The following ARID1B variants were observed in gnomAD, a reference collection of about 807,000 sequenced individuals.
ARID1B encodes the protein AT-rich interaction domain 1B.
A neutral mutation model predicts 212.3 loss-of-function variants in ARID1B; 30 were observed. That is an observed-to-expected ratio of 0.14 (90% CI 0.11 to 0.19). The LOEUF (loss-of-function observed/expected upper bound fraction) is 0.19. ARID1B is among the 10% of genes least tolerant of loss of function. The pLI is 1.00. For synonymous variants in ARID1B, 1,402 were observed against 1,301.7 expected, an observed-to-expected ratio of 1.08 and a Z score of -1.66; for missense variants, 2,891 against 3,204.0, an observed-to-expected ratio of 0.90 and a Z score of 2.36.
At chr6:157,033,595 G>A (rs1781143114) in intron 4 of ARID1B, among the ~76,000 whole-genome samples, 1 of 152,154 alleles carries the variant, frequency 6.6e-6, no homozygotes, top group Non-Finnish European at 1.5e-5. Context: ...GGAATGATTG[G>A]AAATTAAGGT....
rs1789172851 is a variant in ARID1B at position 157,139,340 on chromosome 6, A to C, written c.2761+6133A>C. On this transcript the variant is annotated intron_variant, in intron 7 of 19. Coordinates refer to ENST00000636930, the MANE Select transcript of ARID1B (RefSeq NM_001374828.1). ...TGCAGCTTCACTTGCCCTCTTAGCA[A>C]GGTACCTTTTCCCGAGGTCCATCGC... 2.0e-5 allele frequency among the ~76,000 whole-genome samples: 3 copies of C among 152,158 alleles called. No individual in the cohort carries two copies. In the South Asian group the frequency reaches 6.2e-4, roughly 32 times the overall value.
chr6:157,154,766 A>G lies in ARID1B; in HGVS notation c.3089+5815A>G, dbSNP rs180709489. Among the ~76,000 whole-genome samples the G allele has an allele frequency of 5.4e-3, 822 of 151,616 alleles. 7 individuals carry two copies. Among genetic ancestry groups the G allele is most frequent in the African/African-American group, 0.019 (776 of 41,350 alleles). ...GCTAATTTTTGTATTTTTTTTTAGT[A>G]GAGACGGGCTTTCACCAATTTGGCC... On this transcript the variant is annotated intron_variant, in intron 8 of 19. Coordinates refer to ENST00000636930, the MANE Select transcript of ARID1B (RefSeq NM_001374828.1).
At chr6:156,790,528 G>A (rs980938170) in intron 1 of ARID1B, among the ~76,000 whole-genome samples, 2 of 152,058 alleles carry the variant, frequency 1.3e-5, no homozygotes, top group Non-Finnish European at 2.9e-5. Context: ...TTTCCAAATT[G>A]GTAAAATGGA....
chr6:156,860,816 CT>C (rs1020307138), intron 2 of ARID1B, among the ~76,000 whole-genome samples: 7 of 152,022 alleles, frequency 4.6e-5, no homozygotes, highest in African/African-American at 1.4e-4. Context: ...AACAGAAATT[CT>C]TTTTTTTCCC....
At chr6:157,048,241 A>G (rs1782366995) in intron 4 of ARID1B, among the ~76,000 whole-genome samples, 1 of 152,246 alleles carries the variant, frequency 6.6e-6, no homozygotes. Flanking sequence ...TGTGAATTAA[A>G]GAATATATCA....
At chr6:156,918,313 A>T (rs895641064) in intron 3 of ARID1B, among the ~76,000 whole-genome samples, 1 of 152,198 alleles carries the variant, frequency 6.6e-6, no homozygotes, top group Admixed American at 6.5e-5. Flanking sequence ...AATTTAATTT[A>T]TAAGCCAATC....
chr6:156,912,907 C>G (rs1262225798), intron 3 of ARID1B, among the ~76,000 whole-genome samples: 1 of 152,158 alleles, frequency 6.6e-6, no homozygotes, highest in Non-Finnish European at 1.5e-5. Context: ...TTGACCGAAA[C>G]CACAAGCCTG....
chr6:157,050,331 G>A (rs1296456078), intron 4 of ARID1B, among the ~76,000 whole-genome samples: 1 of 152,188 alleles, frequency 6.6e-6, no homozygotes, highest in Non-Finnish European at 1.5e-5. Flanking sequence ...GGGTCATGAG[G>A]TCAGGAGTTT....
At chr6:156,821,342 C>T (rs1782338827) in intron 1 of ARID1B, among the ~76,000 whole-genome samples, 1 of 152,058 alleles carries the variant, frequency 6.6e-6, no homozygotes, top group Non-Finnish European at 1.5e-5. Context: ...AGAACTGCTC[C>T]CCCACTCCCC....
intron 4 of ARID1B, among the ~76,000 whole-genome samples, chr6:157,044,658 T>C (rs1385071689): frequency 6.6e-6 from 1 of 152,250 alleles, no homozygotes; most frequent in East Asian, 1.9e-4. Flanking sequence ...CTGTATCTTT[T>C]GTTACATTTT....
intron 4 of ARID1B, among the ~76,000 whole-genome samples, chr6:157,039,322 C>CTTTTCTTTTTT (rs1781548213): frequency 9.7e-6 from 1 of 102,976 alleles, no homozygotes. Flanking sequence ...TTTGACATTT[C>CTTTTCTTTTTT]TTTTTTTTTT....
At chr6:157,127,796 A>AAC (rs1449122522) in intron 6 of ARID1B, among the ~76,000 whole-genome samples, 27 of 150,024 alleles carry the variant, frequency 1.8e-4, no homozygotes, top group African/African-American at 6.4e-4. Flanking sequence ...AAAAAAAAAA[A>AAC]AAAAAAAAAA....
intron 1 of ARID1B, among the ~76,000 whole-genome samples, chr6:156,808,085 C>T (rs1781304309): frequency 6.6e-6 from 1 of 152,036 alleles, no homozygotes; most frequent in Non-Finnish European, 1.5e-5. Context: ...AGGCTTTAAC[C>T]CTATTGTATC....
chr6:156,843,211 T>C (rs1190211619), intron 2 of ARID1B, among the ~76,000 whole-genome samples: 2 of 152,248 alleles, frequency 1.3e-5, no homozygotes, highest in Admixed American at 1.3e-4. Context: ...TATTGTATTG[T>C]CTTCATGGTA....
chr6:156,804,133 C>T (rs1451071156), intron 1 of ARID1B, among the ~76,000 whole-genome samples: 2 of 151,828 alleles, frequency 1.3e-5, no homozygotes, highest in African/African-American at 4.8e-5. Context: ...GTCAGGAGTT[C>T]GAGACTAGCC....
At chr6:157,196,428 C>G (rs572360153) in intron 16 of ARID1B, 113 bp downstream of exon 16, 2 of 1,344,854 alleles carry the variant, frequency 1.5e-6, no homozygotes, top group Non-Finnish European at 2.0e-6. Context: ...ACAGTGTCCC[C>G]TTTCCTGTGA....
chr6:156,979,009 T>A (rs1056122335), intron 4 of ARID1B, among the ~76,000 whole-genome samples: 7 of 152,226 alleles, frequency 4.6e-5, no homozygotes, highest in African/African-American at 1.7e-4. Flanking sequence ...AATTGCTTAA[T>A]GAATAAAAGA....
intron 4 of ARID1B, chr6:156,941,764 C>G (rs981949689): frequency 7.2e-5 from 11 of 152,048 alleles, no homozygotes; most frequent in Admixed American, 2.6e-4. Context: ...AATGAAAATT[C>G]AATAAAACCT....
intron 4 of ARID1B, among the ~76,000 whole-genome samples, chr6:157,069,949 A>G (rs1439219733): frequency 2.6e-5 from 4 of 152,174 alleles, no homozygotes; most frequent in Non-Finnish European, 5.9e-5. Context: ...AAAAGGCATG[A>G]TGTAATTCAT....
Sources: allele counts gnomAD v4.1 joint callset (sites outside exome capture counted in the v4.1 genomes callset), GRCh38; gene constraint gnomAD v4.1.1; transcripts MANE v1.5; gene names NCBI Gene and HGNC (gene_info 2026-07-23, HGNC 2026-07-21).